Variants in MYO1E observed in about 807,000 individuals in gnomAD.
MYO1E encodes unconventional myosin-Ie.
A neutral mutation model predicts 151.1 loss-of-function variants in MYO1E; 68 were observed. That is an observed-to-expected ratio of 0.45 (90% CI 0.37 to 0.55). The LOEUF (loss-of-function observed/expected upper bound fraction) is 0.55, where lower values mean the gene tolerates loss of function less well. Among genes scored for constraint, MYO1E ranks in the 20% least tolerant of loss-of-function variants. The pLI is 0.00. For synonymous variants in MYO1E, 601 were observed against 501.7 expected (o/e 1.20, Z -2.64); for missense variants, 1,363 against 1,389.3 (o/e 0.98, Z 0.30).
intron 2 of MYO1E, chr15:59,266,932 A>G: frequency 6.7e-6 from 1 of 148,768 alleles, no homozygotes; most frequent in African/African-American, 2.5e-5. Context: ...AAGTGCTAGG[A>G]TTACAGGCGT....
chr15:59,260,663 G>T (rs1391224355), intron 3 of MYO1E, among the ~76,000 whole-genome samples: 4 of 152,078 alleles, frequency 2.6e-5, no homozygotes, highest in African/African-American at 9.7e-5. Context: ...ATAGGAACCA[G>T]GGTCAAATTA....
At chr15:59,308,533 G>A (rs1432653143) in intron 1 of MYO1E, among the ~76,000 whole-genome samples, 3 of 151,392 alleles carry the variant, frequency 2.0e-5, no homozygotes, top group African/African-American at 7.3e-5. Flanking sequence ...TTAGCCAGGT[G>A]TGGGGGCCCA....
intron 4 of MYO1E, among the ~76,000 whole-genome samples, chr15:59,243,810 T>C (rs2080114033): frequency 9.1e-6 from 1 of 109,794 alleles, no homozygotes; most frequent in African/African-American, 2.6e-5. Flanking sequence ...ACTGTGATCA[T>C]AAGACAAAGT....
At chr15:59,154,101 G>A (rs2079497108) in intron 25 of MYO1E, among the ~76,000 whole-genome samples, 1 of 152,214 alleles carries the variant, frequency 6.6e-6, no homozygotes, top group South Asian at 2.1e-4. Flanking sequence ...CTCAGCACAT[G>A]CTTGGTGGCA....
intron 7 of MYO1E, among the ~76,000 whole-genome samples, chr15:59,225,835 A>G (rs1465535046): frequency 6.6e-6 from 1 of 151,974 alleles, no homozygotes; most frequent in African/African-American, 2.4e-5. Flanking sequence ...TTTAGTAGAG[A>G]CAGGGTTTCA....
chr15:59,367,307 G>A (rs767183086), intron 1 of MYO1E, among the ~76,000 whole-genome samples: 1 of 152,270 alleles, frequency 6.6e-6, no homozygotes, highest in East Asian at 1.9e-4. Context: ...CAGAATGCAC[G>A]CCGCTGCTCA....
chr15:59,290,468 C>G (rs1215238356), intron 1 of MYO1E, among the ~76,000 whole-genome samples: 3 of 152,290 alleles, frequency 2.0e-5, no homozygotes, highest in South Asian at 4.1e-4. Context: ...GAGATCAGAG[C>G]TTTGGAGCCA....
Position 59,208,790 on chromosome 15 carries a change from C to T in MYO1E, c.1421G>A (p.Gly474Asp), listed in dbSNP as rs2079857734. The T allele has an allele frequency of 6.2e-7, 1 of 1,614,124 alleles. No homozygotes were observed. ...DDVCATMHAV[G>D]EGADQTLLQK... ...GAGCAGCGTCTGATCTGCCCCCTCA[C>T]CCACCGCATGCATCGTGGCGCACAC... The change falls in exon 14 of 28, where the codon GGT becomes GAT. Residue 474 changes from glycine to aspartate, a missense_variant. Gly to Asp is a moderately conservative substitution (Grantham distance 94). Coordinates refer to ENST00000288235, the MANE Select transcript of MYO1E (RefSeq NM_004998.4).
Position 59,256,266 on chromosome 15 carries a change from T to G in MYO1E, c.332+18A>C. 6.4e-7 allele frequency: 1 copy of G among 1,555,932 alleles called. No individual in the cohort carries two copies. Among genetic ancestry groups the G allele is most frequent in the Non-Finnish European group, 8.9e-7 (1 of 1,127,482 alleles). ...GTCTCATATCTTCCACGCCCACTGA[T>G]AAGGATCTTCTTCATACCTGATAAT... On this transcript the variant is annotated intron_variant, in intron 4 of 27. Transcript: ENST00000288235.
intron 1 of MYO1E, among the ~76,000 whole-genome samples, chr15:59,351,751 G>C (rs1228323694): frequency 1.4e-4 from 21 of 152,156 alleles, no homozygotes; most frequent in African/African-American, 5.1e-4. Context: ...GTTGGAAATG[G>C]CAGGAGCAAG....
At chr15:59,232,844 G>A (rs555572336) in intron 5 of MYO1E, among the ~76,000 whole-genome samples, 16 of 152,218 alleles carry the variant, frequency 1.1e-4, no homozygotes, top group African/African-American at 3.6e-4. Context: ...CAGCCAAAGT[G>A]TTACAAAGGG....
intron 1 of MYO1E, among the ~76,000 whole-genome samples, chr15:59,304,360 G>C (rs1355925333): frequency 6.6e-6 from 1 of 152,100 alleles, no homozygotes; most frequent in Non-Finnish European, 1.5e-5. Flanking sequence ...GGCAGGGCTG[G>C]GTTCCTACGC....
intron 1 of MYO1E, among the ~76,000 whole-genome samples, chr15:59,357,298 G>A (rs2080859897): frequency 6.6e-6 from 1 of 152,084 alleles, no homozygotes; most frequent in Non-Finnish European, 1.5e-5. Context: ...GAGAGGCTGG[G>A]ATACAAAGCT....
At chr15:59,192,367 C>T (rs2079739506) in intron 17 of MYO1E, among the ~76,000 whole-genome samples, 1 of 151,146 alleles carries the variant, frequency 6.6e-6, no homozygotes, top group Admixed American at 6.6e-5. Flanking sequence ...TAAAATGTAC[C>T]ACTCATTTAA....
At chr15:59,198,025 C>T (rs2079778543) in intron 16 of MYO1E, among the ~76,000 whole-genome samples, 1 of 152,074 alleles carries the variant, frequency 6.6e-6, no homozygotes, top group South Asian at 2.1e-4. Context: ...CCACACCCAG[C>T]TAATTTTTGA....
At chr15:59,231,925 G>C (rs2080030935) in intron 5 of MYO1E, 134 bp from the exon 6 acceptor site, 1 of 754,420 alleles carries the variant, frequency 1.3e-6, no homozygotes, top group South Asian at 1.5e-5. Context: ...CACTGGTGGG[G>C]TTTCTGGAGG....
chr15:59,137,190 C>G lies in MYO1E; in HGVS notation c.*190G>C. ...CTATGAAGAGGCTACCTTTTAGGAT[C>G]ACTTATGGAGTGATACTCCCTGTCC... On this transcript the variant is annotated 3_prime_UTR_variant, in exon 28 of 28. Transcript: ENST00000288235. 1.7e-6 allele frequency: 1 copy of G among 604,346 alleles called. No individual in the cohort carries two copies. Among genetic ancestry groups the G allele is most frequent in the Non-Finnish European group, 3.0e-6 (1 of 338,084 alleles). 37.4% of individuals were successfully genotyped at this position (604,346 alleles called of 1,614,324 possible).
rs1445568993 is a variant in MYO1E at position 59,372,805 on chromosome 15, C to T, written c.-305G>A. 11 of 493,356 alleles carry T rather than the reference C, an allele frequency of 2.2e-5. No homozygotes were observed. Among genetic ancestry groups the T allele is most frequent in the Admixed American group, 3.7e-5 (1 of 27,016 alleles). 30.6% of individuals were successfully genotyped at this position (493,356 alleles called of 1,614,324 possible). ...GTGAGTCCGATGCGCTCGGAGCGTC[C>T]GCCTCGCTCCCCTGCCTCACTCCTC... On this transcript the variant is annotated 5_prime_UTR_variant, in exon 1 of 28. Coordinates refer to ENST00000288235, the MANE Select transcript of MYO1E (RefSeq NM_004998.4).
chr15:59,349,924 AGAAAAAC>A, intron 1 of MYO1E, among the ~76,000 whole-genome samples: 1 of 152,228 alleles, frequency 6.6e-6, no homozygotes, highest in African/African-American at 2.4e-5. Flanking sequence ...CAGGTTTGTT[AGAAAAAC>A]ACTAATGCGG....
Sources: allele counts gnomAD v4.1 joint callset (sites outside exome capture counted in the v4.1 genomes callset), GRCh38; gene constraint gnomAD v4.1.1; transcripts MANE v1.5; gene names NCBI Gene and HGNC (gene_info 2026-07-23, HGNC 2026-07-21).